The following SLC6A2 variants were observed in gnomAD, a reference collection of about 807,000 sequenced individuals.
SLC6A2 encodes solute carrier family 6 member 2.
A neutral mutation model predicts 71.7 loss-of-function variants in SLC6A2; 26 were observed. The observed-to-expected ratio is 0.36, with a 90% CI of 0.27 to 0.50. The LOEUF (loss-of-function observed/expected upper bound fraction) is 0.50. SLC6A2 is among the 20% of genes least tolerant of loss of function. The probability of loss-of-function intolerance (pLI) is 0.96; values close to 1 mark genes in which losing one functional copy is unlikely to be tolerated. For missense variants in SLC6A2, 581 were observed against 803.9 expected, an observed-to-expected ratio of 0.72 and a Z score of 3.35; for synonymous variants, 363 against 337.9, an observed-to-expected ratio of 1.07 and a Z score of -0.82.
chr16:55,702,517 C>T lies in SLC6A2; in HGVS notation c.*171C>T. On this transcript the variant is annotated 3_prime_UTR_variant, in exon 15 of 15. Transcript: ENST00000568943. ...TTTCGTGACTGTAGTTTTTGTTCAC[C>T]TTCTGTGCATCTGGCCTGGGGGCTG... is the stretch of plus-strand genomic sequence containing the variant. The T allele has an allele frequency of 5.9e-6, 9 of 1,519,310 alleles. No homozygotes were observed. The highest frequency in any genetic ancestry group is 2.5e-5 in the East Asian group (1 of 40,588). The allele number at this position is 1,519,310 out of a possible 1,614,324, so 94.1% of individuals were successfully genotyped here. A position where few individuals can be genotyped will look rare whatever the true frequency, so the allele number is the denominator to read the frequency against.
intron 5 of SLC6A2, among the ~76,000 whole-genome samples, chr16:55,689,019 C>T (rs1213363711): frequency 6.6e-6 from 1 of 152,144 alleles, no homozygotes; most frequent in Non-Finnish European, 1.5e-5. Flanking sequence ...GGACATTTGC[C>T]AAGACCAATG....
chr16:55,697,793 T>TA lies in SLC6A2; in HGVS notation c.1261-103dup. 2.4e-6 allele frequency: 3 copies of TA among 1,233,246 alleles called. No homozygotes were observed. The South Asian group carries it at 3.8e-5, about 16-fold the overall frequency. 76.4% of individuals were successfully genotyped at this position (1,233,246 alleles called of 1,614,324 possible). On this transcript the variant is annotated intron_variant, in intron 9 of 14. Transcript: ENST00000568943. ...ATTTCTCGAGAGAGGCAAGGCAGCCTACATGAGTCCTGGGCTGCAGGAGGC... is the reference window on the plus strand; with the variant it reads ...ATTTCTCGAGAGAGGCAAGGCAGCCTAACATGAGTCCTGGGCTGCAGGAGGC...
At chr16:55,685,043 C>T in intron 4 of SLC6A2, 100 bp from the exon 5 acceptor site, 2 of 1,191,960 alleles carry the variant, frequency 1.7e-6, no homozygotes, top group Non-Finnish European at 2.5e-6. Context: ...CAGGTCCTGT[C>T]TCCATCAGCA....
chr16:55,699,509 C>A, intron 11 of SLC6A2, 45 bp from the exon 12 acceptor site: 1 of 1,482,906 alleles, frequency 6.7e-7, no homozygotes, highest in African/African-American at 1.4e-5. Context: ...CTGGCCCTGG[C>A]TATCATGGGG....
intron 4 of SLC6A2, among the ~76,000 whole-genome samples, chr16:55,673,274 CAG>C (rs1279994159): frequency 1.3e-5 from 2 of 152,196 alleles, no homozygotes; most frequent in African/African-American, 4.8e-5. Flanking sequence ...TGCATTCCAT[CAG>C]GGGGTGGGGA....
chr16:55,702,009 A>G, intron 14 of SLC6A2, 75 bp downstream of exon 14: 2 of 1,130,670 alleles, frequency 1.8e-6, no homozygotes, highest in Non-Finnish European at 1.4e-6. Context: ...GCACTGCCCA[A>G]GGCTAGACAT....
Position 55,704,362 on chromosome 16 carries a change from C to T in SLC6A2, c.*2016C>T, listed in dbSNP as rs1317103743. On this transcript the variant is annotated 3_prime_UTR_variant, in exon 15 of 15. Transcript: ENST00000568943. Reference sequence around the variant, plus strand: ...CAGATCGAGTTGGGCCTTCAATTCACATCCACTGACTCTCAGCCCAGATTA... The same window carrying T: ...CAGATCGAGTTGGGCCTTCAATTCATATCCACTGACTCTCAGCCCAGATTA... 6.6e-6 allele frequency: 1 copy of T among 152,160 alleles called. No homozygotes were observed. Among genetic ancestry groups the T allele is most frequent in the Non-Finnish European group, 1.5e-5 (1 of 68,032 alleles). 9.4% of individuals were successfully genotyped at this position (152,160 alleles called of 1,614,324 possible). A position where few individuals can be genotyped will look rare whatever the true frequency, so the allele number is the denominator to read the frequency against.
At position 55,705,381 on chromosome 16, in the gene SLC6A2, C is replaced by T. The variant is rs1945786062; in HGVS notation, c.*3035C>T. 1.5e-6 allele frequency: 1 copy of T among 683,714 alleles called. No homozygotes were observed. Among genetic ancestry groups the T allele is most frequent in the African/African-American group, 1.8e-5 (1 of 55,350 alleles). The allele number at this position is 683,714 out of a possible 1,614,324, so 42.4% of individuals were successfully genotyped here. ...TAGCCTCGCTAATGTGAGACTGAAG[C>T]ATTCTTACCAAAGAAATCATTTCCT... On this transcript the variant is annotated 3_prime_UTR_variant, in exon 15 of 15. Coordinates refer to ENST00000568943, the MANE Select transcript of SLC6A2 (RefSeq NM_001172501.3).
intron 2 of SLC6A2, among the ~76,000 whole-genome samples, chr16:55,657,789 A>G (rs1208040347): frequency 1.4e-4 from 22 of 152,088 alleles, no homozygotes; most frequent in Admixed American, 1.2e-3. Flanking sequence ...CTGCCTGAAA[A>G]TGAGAGCCTA....
intron 4 of SLC6A2, among the ~76,000 whole-genome samples, chr16:55,680,651 C>T (rs1965240492): frequency 6.6e-6 from 1 of 152,158 alleles, no homozygotes; most frequent in Admixed American, 6.5e-5. Flanking sequence ...CCTTTGGCAA[C>T]ACACTCCCAG....
rs763058744 is a variant in SLC6A2 at position 55,671,990 on chromosome 16, C to T, written c.459C>T (p.Asn153=). 5.6e-6 allele frequency: 9 copies of T among 1,614,046 alleles called. 1 individual carries two copies. Among genetic ancestry groups the T allele is most frequent in the Middle Eastern group, 1.6e-4 (1 of 6,084 alleles). ...LIALYVGFYY[N]VIIAWSLYYL... ...CCCTGTACGTTGGCTTCTACTACAACGTCATCATCGCCTGGTCACTCTACT... is the reference window on the plus strand; with the variant it reads ...CCCTGTACGTTGGCTTCTACTACAATGTCATCATCGCCTGGTCACTCTACT... The change falls in exon 4 of 15, where the codon AAC becomes AAT. Residue 153 remains asparagine, a synonymous_variant. Transcript: ENST00000568943.
chr16:55,705,498 A>G lies in SLC6A2; in HGVS notation c.*3152A>G, dbSNP rs1392377427. On this transcript the variant is annotated 3_prime_UTR_variant, in exon 15 of 15. Transcript: ENST00000568943. ...ACAGAGAAGGTGTGTAGTGTGGCGG[A>G]AAAAGCACAGCATATAGTTTTACAG... The G allele has an allele frequency of 4.2e-6, 2 of 481,030 alleles. No homozygotes were observed. Among genetic ancestry groups the G allele is most frequent in the East Asian group, 3.2e-5 (1 of 31,472 alleles). The allele number at this position is 481,030 out of a possible 1,614,324, so 29.8% of individuals were successfully genotyped here.
intron 10 of SLC6A2, 46 bp downstream of exon 10, chr16:55,698,071 G>C: frequency 6.3e-7 from 1 of 1,596,642 alleles, no homozygotes; most frequent in Non-Finnish European, 8.6e-7. Context: ...CTCTGAGGCC[G>C]CATTTCAATA....
chr16:55,664,042 C>T (rs1224106953), intron 2 of SLC6A2, among the ~76,000 whole-genome samples: 2 of 152,150 alleles, frequency 1.3e-5, no homozygotes, highest in African/African-American at 4.8e-5. Flanking sequence ...GGTGGCCAAA[C>T]ATGCCTATCC....
chr16:55,682,094 A>G (rs1201958332), intron 4 of SLC6A2, among the ~76,000 whole-genome samples: 1 of 152,086 alleles, frequency 6.6e-6, no homozygotes, highest in East Asian at 1.9e-4. Flanking sequence ...TTTAGTAGAG[A>G]CAGGGTTTCG....
At chr16:55,681,866 T>A (rs1403842856) in intron 4 of SLC6A2, among the ~76,000 whole-genome samples, 1 of 152,240 alleles carries the variant, frequency 6.6e-6, no homozygotes, top group Non-Finnish European at 1.5e-5. Flanking sequence ...AAGGACGATA[T>A]ATTAAGCTGT....
chr16:55,665,287 C>G (rs960279561), intron 2 of SLC6A2, among the ~76,000 whole-genome samples: 1 of 152,132 alleles, frequency 6.6e-6, no homozygotes, highest in Non-Finnish European at 1.5e-5. Flanking sequence ...TTAAATGTGT[C>G]GAAGTGTGAG....
chr16:55,672,202 C>T (rs1289358781), intron 4 of SLC6A2, 27 bp downstream of exon 4: 2 of 1,614,136 alleles, frequency 1.2e-6, no homozygotes, highest in Non-Finnish European at 1.7e-6. Context: ...TTGTGCTGGG[C>T]CTGTTGAGGC....
At chr16:55,675,313 A>C (rs1965050720) in intron 4 of SLC6A2, among the ~76,000 whole-genome samples, 1 of 152,242 alleles carries the variant, frequency 6.6e-6, no homozygotes, top group Non-Finnish European at 1.5e-5. Context: ...CTTGTGGGGC[A>C]GACAGGATAG....
Sources: allele counts gnomAD v4.1 joint callset (sites outside exome capture counted in the v4.1 genomes callset), GRCh38; gene constraint gnomAD v4.1.1; transcripts MANE v1.5; gene names NCBI Gene and HGNC (gene_info 2026-07-23, HGNC 2026-07-21).